The following PTPRE variants were observed in gnomAD, a reference collection of about 807,000 sequenced individuals.
The protein encoded by PTPRE is protein tyrosine phosphatase receptor type E.
Under a neutral mutation model 102.0 loss-of-function variants are expected in PTPRE, and 51 were observed. The ratio of observed to expected loss-of-function variants is 0.50; its 90% CI spans 0.40 to 0.63. The LOEUF is 0.63. Among genes scored for constraint, PTPRE ranks in the 30% least tolerant of loss-of-function variants. PTPRE has a pLI of 0.00. For missense variants in PTPRE, 752 were observed against 915.1 expected (o/e 0.82, Z 2.30); for synonymous variants, 345 against 348.2 (o/e 0.99, Z 0.10).
intron 3 of PTPRE, among the ~76,000 whole-genome samples, chr10:128,041,220 G>T (rs1233457734): frequency 6.6e-6 from 1 of 152,140 alleles, no homozygotes; most frequent in African/African-American, 2.4e-5. Flanking sequence ...TACAACCCCA[G>T]CTGAGAGTCA....
chr10:128,021,544 A>G (rs1050474515), intron 2 of PTPRE, among the ~76,000 whole-genome samples: 2 of 152,244 alleles, frequency 1.3e-5, no homozygotes, highest in African/African-American at 4.8e-5. Context: ...CAGAAAATGC[A>G]GTCTGTACCC....
intron 1 of PTPRE, among the ~76,000 whole-genome samples, chr10:127,925,381 G>A (rs1280776321): frequency 6.6e-6 from 1 of 152,346 alleles, no homozygotes; most frequent in Admixed American, 6.5e-5. Flanking sequence ...CAAACAGTAT[G>A]TATGGGTGAG....
intron 1 of PTPRE, among the ~76,000 whole-genome samples, chr10:127,970,252 G>A (rs1850623021): frequency 6.6e-6 from 1 of 152,120 alleles, no homozygotes; most frequent in Non-Finnish European, 1.5e-5. Flanking sequence ...AGGGCCTCCA[G>A]GAACCCAGCT....
intron 2 of PTPRE, chr10:127,987,485 G>T: frequency 1.7e-6 from 1 of 600,932 alleles, no homozygotes; most frequent in Non-Finnish European, 2.5e-6. Context: ...CTAAAAATCA[G>T]GCTAAAGAAT....
At chr10:128,007,588 C>T (rs1026930230) in intron 2 of PTPRE, among the ~76,000 whole-genome samples, 5 of 152,200 alleles carry the variant, frequency 3.3e-5, no homozygotes, top group African/African-American at 1.2e-4. Context: ...CAGAATAATT[C>T]CCACGTCTTA....
In PTPRE at chr10:128,040,935, G is replaced by T; in HGVS notation, c.54G>T (p.Arg18Ser). 6.2e-7 allele frequency: 1 copy of T among 1,614,032 alleles called. No individual in the cohort carries two copies. The highest frequency in any genetic ancestry group is 8.5e-7 in the Non-Finnish European group (1 of 1,180,010). ...TGGGTTTTAGCTTGCCGCTCGCCAG[G>T]GCTCTCAGGGGCAACGAGACCACTG... ...LLVGFSLPLA[R>S]ALRGNETTAD... is the part of the protein sequence containing the mutation. The change falls in exon 3 of 21, where the codon AGG becomes AGT. Residue 18 changes from arginine (R) to serine (S), a missense_variant. Physicochemically the swap from Arg to Ser is moderately radical, Grantham distance 110. This residue lies in a region of PTPRE where 116 missense variants were observed against 90.8 expected (regional missense o/e 1.28). Transcript: ENST00000254667.
chr10:127,993,769 G>GTA, intron 2 of PTPRE, among the ~76,000 whole-genome samples: 1 of 14,296 alleles, frequency 7.0e-5, no homozygotes, highest in Admixed American at 5.6e-4. Context: ...TTTCATAGTG[G>GTA]TGTGTGTGTG....
At chr10:127,993,099 TAG>T (rs1402808560) in intron 2 of PTPRE, among the ~76,000 whole-genome samples, 2 of 152,014 alleles carry the variant, frequency 1.3e-5, no homozygotes, top group Admixed American at 1.3e-4. Context: ...GTTGAGGAAA[TAG>T]ACTCACTGAA....
chr10:127,952,150 A>C (rs752810762), intron 1 of PTPRE, among the ~76,000 whole-genome samples: 3 of 152,172 alleles, frequency 2.0e-5, no homozygotes, highest in Admixed American at 6.5e-5. Flanking sequence ...AATCTTGATC[A>C]CTTTTCCCTT....
At chr10:127,926,804 C>CTTT (rs150223324) in intron 1 of PTPRE, among the ~76,000 whole-genome samples, 12 of 82,678 alleles carry the variant, frequency 1.5e-4, no homozygotes, top group Admixed American at 3.0e-4. Flanking sequence ...AGAGAGTTGT[C>CTTT]TTTTTTTTTT....
intron 6 of PTPRE, among the ~76,000 whole-genome samples, chr10:128,054,206 T>G (rs1445717735): frequency 3.3e-5 from 5 of 152,236 alleles, no homozygotes; most frequent in African/African-American, 4.8e-5. Flanking sequence ...GTGTTTCAAC[T>G]GCTGCAATTG....
At chr10:127,935,158 G>A (rs1184932171) in intron 1 of PTPRE, among the ~76,000 whole-genome samples, 1 of 152,130 alleles carries the variant, frequency 6.6e-6, no homozygotes, top group African/African-American at 2.4e-5. Context: ...TGAGTCTGTC[G>A]GGTGTGGGCT....
chr10:128,057,800 C>T (rs1180241985), intron 7 of PTPRE, among the ~76,000 whole-genome samples: 1 of 152,192 alleles, frequency 6.6e-6, no homozygotes, highest in Non-Finnish European at 1.5e-5. Context: ...AGATGCTGCA[C>T]ACTTTGGAGA....
In PTPRE at chr10:128,070,917, C is replaced by T. The variant is rs372553387; in HGVS notation, c.1387+16C>T. On this transcript the variant is annotated intron_variant, in intron 15 of 20. Coordinates refer to ENST00000254667, the MANE Select transcript of PTPRE (RefSeq NM_006504.6). The surrounding 1 kb of genome is among the most constrained non-coding windows in gnomAD (Gnocchi z 4.8). ...ATCATCCCGTGTAAGGCACCCGTGG[C>T]GTGGCTTGGGCAGGGCTGGGGCGGG... 9 of 1,608,018 alleles carry T rather than the reference C, an allele frequency of 5.6e-6. No homozygotes were observed. The highest frequency in any genetic ancestry group is 4.4e-5 in the South Asian group (4 of 90,948).
chr10:127,917,106 G>A (rs961542439), intron 1 of PTPRE, among the ~76,000 whole-genome samples: 18 of 152,066 alleles, frequency 1.2e-4, no homozygotes, highest in African/African-American at 4.3e-4. Flanking sequence ...ACATGACCAT[G>A]TGGGTGAGAG....
At chr10:127,964,125 T>C (rs1489866773) in intron 1 of PTPRE, among the ~76,000 whole-genome samples, 2 of 152,118 alleles carry the variant, frequency 1.3e-5, no homozygotes, top group Non-Finnish European at 2.9e-5. Flanking sequence ...CGTCGCCCCC[T>C]CCCAGCTGGC....
At chr10:127,991,608 G>C (rs1218732931) in intron 2 of PTPRE, among the ~76,000 whole-genome samples, 1 of 152,176 alleles carries the variant, frequency 6.6e-6, no homozygotes, top group African/African-American at 2.4e-5. Context: ...ATTTTCCAAA[G>C]TTGTGCAATT....
At chr10:127,982,662 C>T (rs577580866) in intron 2 of PTPRE, among the ~76,000 whole-genome samples, 8 of 152,114 alleles carry the variant, frequency 5.3e-5, no homozygotes, top group South Asian at 2.1e-4. Context: ...ATCTGACCAG[C>T]GTTCAGGAGC....
rs553922233 is a variant in PTPRE at position 127,972,514 on chromosome 10, C to T, written c.-30-9760C>T. On this transcript the variant is annotated intron_variant, in intron 1 of 20. Coordinates refer to ENST00000254667, the MANE Select transcript of PTPRE (RefSeq NM_006504.6). Reference sequence around the variant, plus strand: ...AGCAAGGCAGTGCTACATGTGGCCCCACCCACGGCCAACCCCACGGTGCGA... The same window carrying T: ...AGCAAGGCAGTGCTACATGTGGCCCTACCCACGGCCAACCCCACGGTGCGA... 6.6e-5 allele frequency among the ~76,000 whole-genome samples: 10 copies of T among 152,354 alleles called. No homozygotes were observed. In the South Asian group the frequency reaches 1.4e-3, roughly 22 times the overall value.
Sources: gnomAD v4.1 joint callset for allele counts (sites outside exome capture counted in the v4.1 genomes callset) on GRCh38, gnomAD v4.1.1 for gene constraint, gnomAD v4.1.1 regional missense constraint, Gnocchi (gnomAD v3.1) non-coding constraint, MANE v1.5 for transcripts, NCBI Gene and HGNC (gene_info 2026-07-23, HGNC 2026-07-21) for gene names.